The following PARD3 variants were observed in gnomAD, a reference collection of about 807,000 sequenced individuals.
PARD3 encodes the protein partitioning defective 3 homolog.
In PARD3, 75 loss-of-function variants were observed where a neutral mutation model predicts 155.4. The observed-to-expected ratio is 0.48, with a 90% CI of 0.40 to 0.58. The LOEUF is 0.58. Ranked by LOEUF, PARD3 falls within the 20% of genes least tolerant of loss-of-function variation. PARD3 has a pLI of 0.00. For missense variants in PARD3, 1,642 were observed against 1,721.7 expected (o/e 0.95, Z 0.82); for synonymous variants, 576 against 610.5 (o/e 0.94, Z 0.83).
At chr10:34,261,825 G>GAA (rs1238097146) in intron 22 of PARD3, among the ~76,000 whole-genome samples, 2 of 138,888 alleles carry the variant, frequency 1.4e-5, no homozygotes, top group Admixed American at 1.4e-4. Context: ...AAGAAAGAAA[G>GAA]AAACAAACAA....
chr10:34,619,925 T>C (rs887571759), intron 2 of PARD3, among the ~76,000 whole-genome samples: 3 of 152,144 alleles, frequency 2.0e-5, no homozygotes, highest in Non-Finnish European at 2.9e-5. Context: ...TGTTTCTGCA[T>C]AATATAATAG....
rs141993714 is a variant in PARD3 at position 34,800,410 on chromosome 10, G to A, written c.120+14466C>T. Reference sequence around the variant, plus strand: ...GAATCACCTGAGGTCAGGAGTTCAAGACCAGCCTGATAAACCAGGTGAAAC... The same window carrying A: ...GAATCACCTGAGGTCAGGAGTTCAAAACCAGCCTGATAAACCAGGTGAAAC... On this transcript the variant is annotated intron_variant, in intron 1 of 24. Coordinates refer to ENST00000374788, the MANE Select transcript of PARD3 (RefSeq NM_001184785.2). Among the ~76,000 whole-genome samples the A allele has an allele frequency of 2.1e-3, 314 of 152,112 alleles. 1 individual carries two copies. Among genetic ancestry groups the A allele is most frequent in the African/African-American group, 7.4e-3 (306 of 41,492 alleles).
At chr10:34,670,433 A>G (rs1224208649) in intron 2 of PARD3, among the ~76,000 whole-genome samples, 1 of 152,236 alleles carries the variant, frequency 6.6e-6, no homozygotes, top group African/African-American at 2.4e-5. Flanking sequence ...ATCTGTCACT[A>G]AACAGTTCTA....
At chr10:34,681,692 G>T (rs1590617361) in intron 2 of PARD3, among the ~76,000 whole-genome samples, 2 of 95,316 alleles carry the variant, frequency 2.1e-5, no homozygotes, top group African/African-American at 3.8e-5. Flanking sequence ...TATATAATTA[G>T]ATTTTTATAT....
rs186253573 is a variant in PARD3, at chr10:34,402,959, G to C, written c.715-1042C>G. On this transcript the variant is annotated intron_variant, in intron 5 of 24. Transcript: ENST00000374788. The stretch of plus-strand genomic sequence containing the variant: ...AAAAGTTGGCTTTTCAAAATCATTT[G>C]AATAACGATAAAGATACCTGACTGA... Among the ~76,000 whole-genome samples the C allele has an allele frequency of 1.6e-3, 245 of 152,182 alleles. 1 individual carries two copies. The highest frequency in any genetic ancestry group is 6.8e-3 in the Middle Eastern group (2 of 294).
intron 10 of PARD3, among the ~76,000 whole-genome samples, chr10:34,375,971 T>C (rs1369557509): frequency 6.6e-6 from 1 of 152,018 alleles, no homozygotes; most frequent in Non-Finnish European, 1.5e-5. Context: ...CATGGGCTAA[T>C]ATACCACTCA....
chr10:34,393,446 A>G (rs536920857), intron 7 of PARD3, among the ~76,000 whole-genome samples: 1 of 151,954 alleles, frequency 6.6e-6, no homozygotes, highest in Admixed American at 6.6e-5. Flanking sequence ...CCGGGCATGG[A>G]GGCACTTGCC....
intron 3 of PARD3, among the ~76,000 whole-genome samples, chr10:34,498,814 A>G (rs1171969109): frequency 1.3e-5 from 2 of 152,164 alleles, no homozygotes; most frequent in Non-Finnish European, 2.9e-5. Context: ...TAAAAAGCCT[A>G]CATTAATACT....
At chr10:34,357,709 C>A (rs1386011612) in intron 14 of PARD3, among the ~76,000 whole-genome samples, 2 of 152,200 alleles carry the variant, frequency 1.3e-5, no homozygotes, top group Non-Finnish European at 2.9e-5. Context: ...GTATGTCCCA[C>A]TCTTCTCCAC....
At chr10:34,528,851 A>G (rs1230992025) in intron 2 of PARD3, among the ~76,000 whole-genome samples, 1 of 152,196 alleles carries the variant, frequency 6.6e-6, no homozygotes, top group East Asian at 1.9e-4. Context: ...TGAAGAAGTC[A>G]TGAGGGCCAA....
At chr10:34,798,762 A>G (rs1842564636) in intron 1 of PARD3, among the ~76,000 whole-genome samples, 2 of 151,944 alleles carry the variant, frequency 1.3e-5, no homozygotes, top group South Asian at 4.1e-4. Context: ...ACAAGTGACC[A>G]GCCTTTGAGC....
intron 2 of PARD3, among the ~76,000 whole-genome samples, chr10:34,586,162 G>A (rs1449099027): frequency 1.3e-5 from 2 of 151,774 alleles, no homozygotes; most frequent in African/African-American, 4.8e-5. Context: ...GGAAATCCCT[G>A]AAAATAAAGA....
At chr10:34,580,542 TCATA>T (rs1247722206) in intron 2 of PARD3, among the ~76,000 whole-genome samples, 1 of 152,094 alleles carries the variant, frequency 6.6e-6, no homozygotes, top group Admixed American at 6.6e-5. Flanking sequence ...ATTCATTCAT[TCATA>T]AACAAATAAA....
At chr10:34,593,556 T>C (rs557851598) in intron 2 of PARD3, among the ~76,000 whole-genome samples, 2 of 152,322 alleles carry the variant, frequency 1.3e-5, no homozygotes, top group South Asian at 4.1e-4. Context: ...CTCCCAGCAT[T>C]CAAACCTATA....
intron 3 of PARD3, among the ~76,000 whole-genome samples, chr10:34,471,600 G>A (rs938475826): frequency 5.3e-5 from 8 of 152,188 alleles, no homozygotes; most frequent in Non-Finnish European, 1.2e-4. Context: ...TGTCACCCAG[G>A]CTGGAATGCA....
intron 2 of PARD3, among the ~76,000 whole-genome samples, chr10:34,667,958 G>A (rs1368827947): frequency 6.6e-6 from 1 of 152,182 alleles, no homozygotes; most frequent in Non-Finnish European, 1.5e-5. Context: ...CTTAAACTAG[G>A]GGAAGAGGAG....
At chr10:34,374,411 T>A (rs950587716) in intron 11 of PARD3, among the ~76,000 whole-genome samples, 1 of 152,184 alleles carries the variant, frequency 6.6e-6, no homozygotes, top group African/African-American at 2.4e-5. Flanking sequence ...AATAATAATT[T>A]TTTTAAAAAG....
At chr10:34,153,394 G>GAC (rs776363370) in intron 22 of PARD3, among the ~76,000 whole-genome samples, 47 of 152,168 alleles carry the variant, frequency 3.1e-4, no homozygotes, top group Non-Finnish European at 4.7e-4. Context: ...TGAGTGCAGA[G>GAC]ACACACACAC....
At chr10:34,568,886 G>A (rs971945359) in intron 2 of PARD3, among the ~76,000 whole-genome samples, 4 of 152,072 alleles carry the variant, frequency 2.6e-5, no homozygotes, top group Admixed American at 2.0e-4. Flanking sequence ...AACTGGTAGA[G>A]ACTTAATTAC....
Sources: allele counts gnomAD v4.1 joint callset (sites outside exome capture counted in the v4.1 genomes callset), GRCh38; gene constraint gnomAD v4.1.1; transcripts MANE v1.5; gene names NCBI Gene and HGNC (gene_info 2026-07-23, HGNC 2026-07-21).